The following IGSF11 variants were observed in gnomAD, a reference collection of about 807,000 sequenced individuals.
IGSF11 encodes CXADR like 1.
A neutral mutation model predicts 41.0 loss-of-function variants in IGSF11; 22 were observed. The ratio of observed to expected loss-of-function variants is 0.54; its 90% CI spans 0.38 to 0.77. The LOEUF (loss-of-function observed/expected upper bound fraction) is 0.77. IGSF11 is among the 30% of genes least tolerant of loss of function. IGSF11 has a pLI of 0.00. For synonymous variants in IGSF11, 219 were observed against 201.3 expected, an observed-to-expected ratio of 1.09 and a Z score of -0.74; for missense variants, 444 against 530.8, an observed-to-expected ratio of 0.84 and a Z score of 1.61.
chr3:119,085,959 C>T (rs1418185384), intron 1 of IGSF11, among the ~76,000 whole-genome samples: 3 of 152,210 alleles, frequency 2.0e-5, no homozygotes, highest in African/African-American at 7.2e-5. Context: ...AGCAAAGCGG[C>T]TCTAAGGCCC....
At chr3:118,951,097 T>C (rs139997041) in intron 1 of IGSF11, among the ~76,000 whole-genome samples, 1 of 152,186 alleles carries the variant, frequency 6.6e-6, no homozygotes, top group African/African-American at 2.4e-5. Context: ...CCCAACATAG[T>C]AGCAGCCACA....
chr3:119,091,347 T>A (rs1427624587), intron 1 of IGSF11, among the ~76,000 whole-genome samples: 2 of 152,190 alleles, frequency 1.3e-5, no homozygotes, highest in Non-Finnish European at 2.9e-5. Context: ...GCAATCCTAT[T>A]ACTGTGTATA....
chr3:118,912,630 A>G (rs1940471378), intron 4 of IGSF11, among the ~76,000 whole-genome samples: 1 of 152,220 alleles, frequency 6.6e-6, no homozygotes, highest in Non-Finnish European at 1.5e-5. Flanking sequence ...GAGAAACTAT[A>G]GAACAATCCA....
At position 118,928,411 on chromosome 3, in the gene IGSF11, A is replaced by C; in HGVS notation, c.424+98T>G. The C allele has an allele frequency of 9.6e-6, 8 of 836,110 alleles. No individual in the cohort carries two copies. The South Asian group carries it at 1.3e-4, about 13-fold the overall frequency. 51.8% of individuals were successfully genotyped at this position (836,110 alleles called of 1,614,324 possible). A position where few individuals can be genotyped will look rare whatever the true frequency, so the allele number is the denominator to read the frequency against. On this transcript the variant is annotated intron_variant, in intron 3 of 6. Transcript: ENST00000393775. ...TGAGAGAAGACAGAAAAAGAACATA[A>C]GCAGACTGAAGGTGTAGAAACAAGG...
At chr3:119,013,499 C>T (rs1302904980) in intron 1 of IGSF11, among the ~76,000 whole-genome samples, 6 of 152,066 alleles carry the variant, frequency 3.9e-5, no homozygotes, top group Admixed American at 6.6e-5. Flanking sequence ...TAGTGGTGGC[C>T]GACACTTAGC....
intron 1 of IGSF11, among the ~76,000 whole-genome samples, chr3:119,049,787 G>A (rs530494530): frequency 2.7e-5 from 4 of 150,666 alleles, no homozygotes; most frequent in African/African-American, 9.7e-5. Flanking sequence ...CATGTTACTG[G>A]TACCAAAACA....
chr3:118,907,424 G>C (rs764801108), intron 4 of IGSF11, among the ~76,000 whole-genome samples: 10 of 152,090 alleles, frequency 6.6e-5, no homozygotes, highest in Non-Finnish European at 1.3e-4. Context: ...ACAATATATG[G>C]AATAAGTGCC....
intron 1 of IGSF11, among the ~76,000 whole-genome samples, chr3:119,029,237 T>TACACAC (rs10662902): frequency 0.13 from 15,577 of 122,926 alleles, 1,008 homozygotes; most frequent in Non-Finnish European, 0.17. Context: ...CTTTTGGGAA[T>TACACAC]ACACACACAC....
chr3:119,068,916 C>CTTTTTTTTT (rs66923529), intron 1 of IGSF11, among the ~76,000 whole-genome samples: 2 of 114,140 alleles, frequency 1.8e-5, no homozygotes, highest in African/African-American at 3.7e-5. Flanking sequence ...TGGTTATTTT[C>CTTTTTTTTT]TTTTTTTTTT....
At chr3:119,017,111 A>G (rs937437569) in intron 1 of IGSF11, among the ~76,000 whole-genome samples, 2 of 152,092 alleles carry the variant, frequency 1.3e-5, no homozygotes, top group Non-Finnish European at 2.9e-5. Flanking sequence ...TGGGTACTAA[A>G]GCATAAGCAT....
At chr3:118,920,977 C>T (rs1453118699) in intron 4 of IGSF11, among the ~76,000 whole-genome samples, 3 of 152,148 alleles carry the variant, frequency 2.0e-5, no homozygotes, top group Non-Finnish European at 4.4e-5. Flanking sequence ...GCCTCAAAGC[C>T]TTCATATGTC....
At chr3:119,069,235 G>C (rs911225845) in intron 1 of IGSF11, among the ~76,000 whole-genome samples, 2 of 151,996 alleles carry the variant, frequency 1.3e-5, no homozygotes, top group Non-Finnish European at 2.9e-5. Context: ...GCCAACAATG[G>C]TTATTTTCCA....
At chr3:119,037,052 ACT>A (rs1940942732), upstream of IGSF11, among the ~76,000 whole-genome samples, 1 of 152,160 alleles carries the variant, frequency 6.6e-6, no homozygotes, top group Non-Finnish European at 1.5e-5. Flanking sequence ...TTCCAAGGAC[ACT>A]CTCCCAGGAA....
intron 1 of IGSF11, among the ~76,000 whole-genome samples, chr3:119,140,781 T>C (rs771106992): frequency 1.3e-5 from 2 of 152,100 alleles, no homozygotes; most frequent in Non-Finnish European, 2.9e-5. Flanking sequence ...CAGTGGCTCA[T>C]GCCTGTAATC....
At chr3:118,951,780 C>T (rs1944588990) in intron 1 of IGSF11, among the ~76,000 whole-genome samples, 1 of 152,102 alleles carries the variant, frequency 6.6e-6, no homozygotes, top group Non-Finnish European at 1.5e-5. Context: ...TACCTTAAAT[C>T]ATCTCTAGAT....
At chr3:118,928,838 T>C (rs1203394185) in intron 2 of IGSF11, 122 bp from the exon 3 acceptor site, 4 of 704,096 alleles carry the variant, frequency 5.7e-6, no homozygotes, top group Non-Finnish European at 9.5e-6. Flanking sequence ...ATTTCTAATA[T>C]GATAATTATC....
chr3:118,926,635 A>G (rs896306870), intron 3 of IGSF11, among the ~76,000 whole-genome samples: 8 of 152,334 alleles, frequency 5.3e-5, no homozygotes, highest in Non-Finnish European at 1.0e-4. Flanking sequence ...GATTTCAGGG[A>G]AAAACAACCA....
At chr3:119,110,287 A>C (rs943372548) in intron 1 of IGSF11, among the ~76,000 whole-genome samples, 2 of 151,958 alleles carry the variant, frequency 1.3e-5, no homozygotes, top group African/African-American at 4.8e-5. Flanking sequence ...TATTGGGTGC[A>C]TATATATTTA....
At chr3:119,001,775 T>C (rs1936903394) in intron 1 of IGSF11, among the ~76,000 whole-genome samples, 1 of 149,672 alleles carries the variant, frequency 6.7e-6, no homozygotes, top group African/African-American at 2.5e-5. Flanking sequence ...TCCAGTTTCA[T>C]CCATGTCCCT....
Sources: gnomAD v4.1 joint callset for allele counts (sites outside exome capture counted in the v4.1 genomes callset) on GRCh38, gnomAD v4.1.1 for gene constraint, MANE v1.5 for transcripts, NCBI Gene and HGNC (gene_info 2026-07-23, HGNC 2026-07-21) for gene names.